ZNF469: variants seen among roughly 807,000 people sequenced by gnomAD.
The protein encoded by ZNF469 is zinc finger protein 469.
A neutral mutation model predicts 1.0 loss-of-function variants in ZNF469; 1 was observed. The observed-to-expected ratio is 1.00, with a 90% confidence interval of 0.35 to 4.73. ZNF469 has a LOEUF of 4.73. Ranked by LOEUF, ZNF469 falls within the 30% of genes most tolerant of loss-of-function variation. ZNF469 has a pLI of 0.16. For synonymous variants in ZNF469, 2,703 were observed against 2,363.4 expected (o/e 1.14, Z -4.17); for missense variants, 6,100 against 5,356.3 (o/e 1.14, Z -4.33).
chr16:88,265,623 C>T, the ZNF469 span, among the ~76,000 whole-genome samples: 1 of 152,208 alleles, frequency 6.6e-6, no homozygotes, highest in African/African-American at 2.4e-5. Flanking sequence ...GGACCGCAAA[C>T]ACCTCACTCA....
chr16:88,427,595 C>A lies in ZNF469; in HGVS notation c.125C>A (p.Thr42Asn). ...CCACTGGAGGACAACACCCCAGCTA[C>A]CAGGACCACCAAGGGTGCCAGGGAG... Reference protein sequence around the residue: ...QPPLEDNTPATRTTKGAREAG... With the variant: ...QPPLEDNTPANRTTKGAREAG... The change falls in exon 3 of 3, where the codon ACC becomes AAC. Residue 42 changes from threonine (T) to asparagine (N), a missense_variant. Physicochemically the swap from Thr to Asn is moderately conservative, Grantham distance 65 (BLOSUM62 0). Coordinates refer to ENST00000565624, the MANE Select transcript of ZNF469 (RefSeq NM_001367624.2). 1 of 1,537,290 alleles carries A rather than the reference C, an allele frequency of 6.5e-7. No individual in the cohort carries two copies. The highest frequency in any genetic ancestry group is 8.7e-7 in the Non-Finnish European group (1 of 1,146,546).
the ZNF469 span, among the ~76,000 whole-genome samples, chr16:88,203,631 C>A: frequency 6.6e-6 from 1 of 152,234 alleles, no homozygotes; most frequent in Non-Finnish European, 1.5e-5. Flanking sequence ...TCCTTCCTGC[C>A]TCTTCCAGCT....
chr16:88,254,831 G>A, the ZNF469 span, among the ~76,000 whole-genome samples: 11 of 151,244 alleles, frequency 7.3e-5, no homozygotes, highest in East Asian at 1.9e-4. Context: ...ACAGCTTATC[G>A]ACTTCCACAA....
At chr16:88,224,699 CTG>C in the ZNF469 span, among the ~76,000 whole-genome samples, 5 of 152,124 alleles carry the variant, frequency 3.3e-5, no homozygotes, top group East Asian at 7.7e-4. Flanking sequence ...CCGTGTGTCT[CTG>C]TGTGTGTGTG....
chr16:88,218,151 G>A, the ZNF469 span, among the ~76,000 whole-genome samples: 1 of 146,374 alleles, frequency 6.8e-6, no homozygotes, highest in African/African-American at 2.5e-5. Context: ...GTGTGAGATG[G>A]TATCTCATTG....
intron 1 of ZNF469, among the ~76,000 whole-genome samples, chr16:88,412,916 G>C (rs1220210636): frequency 6.6e-6 from 1 of 152,098 alleles, no homozygotes; most frequent in African/African-American, 2.4e-5. Flanking sequence ...CCGTGTCCTG[G>C]CAGCCACAGC....
chr16:88,148,098 C>T, the ZNF469 span, among the ~76,000 whole-genome samples: 11 of 152,074 alleles, frequency 7.2e-5, no homozygotes, highest in African/African-American at 1.9e-4. Flanking sequence ...CAGCTTCCTT[C>T]GTCGTTGTGT....
chr16:88,103,817 C>A, the ZNF469 span, among the ~76,000 whole-genome samples: 8 of 143,328 alleles, frequency 5.6e-5, no homozygotes, highest in Non-Finnish European at 1.2e-4. Flanking sequence ...TCCTCCATGG[C>A]AAAAGGGAGC....
chr16:88,439,175 T>C lies in ZNF469; in HGVS notation c.11705T>C (p.Leu3902Pro), dbSNP rs1293812993. The change falls in exon 3 of 3, where the codon CTC (leucine) becomes CCC (proline). Residue 3902 changes from leucine (L) to proline (P), a missense_variant. Coordinates refer to ENST00000565624, the MANE Select transcript of ZNF469 (RefSeq NM_001367624.2). Reference sequence around the variant, plus strand: ...GCCTTCCCCCAGGGGAGACCCCTGCTCAGGCCCCCCAAGAGGGGCACAGCT... The same window carrying C: ...GCCTTCCCCCAGGGGAGACCCCTGCCCAGGCCCCCCAAGAGGGGCACAGCT... ...GKAFPQGRPL[L>P]RPPKRGTAVH... The C allele has an allele frequency of 2.6e-6, 4 of 1,550,330 alleles. No homozygotes were observed. The Admixed American group carries it at 5.9e-5, about 23-fold the overall frequency.
the ZNF469 span, among the ~76,000 whole-genome samples, chr16:88,334,954 CAT>C: frequency 9.5e-4 from 142 of 150,244 alleles, 2 homozygotes; most frequent in African/African-American, 3.1e-3. Context: ...CGGAAGGACA[CAT>C]GTGTGATGGA....
At chr16:88,349,713 TACACA>T in the ZNF469 span, among the ~76,000 whole-genome samples, 2 of 27,978 alleles carry the variant, frequency 7.1e-5, no homozygotes, top group African/African-American at 1.4e-4. Flanking sequence ...ACCACACAAG[TACACA>T]TCCAGCACAA....
chr16:88,380,892 G>A (rs990977940), upstream of ZNF469, among the ~76,000 whole-genome samples: 8 of 111,320 alleles, frequency 7.2e-5, no homozygotes, highest in Non-Finnish European at 1.4e-4. Flanking sequence ...ACCCAGACAT[G>A]CACTCACACA....
chr16:88,277,387 C>G, the ZNF469 span, among the ~76,000 whole-genome samples: 1 of 150,038 alleles, frequency 6.7e-6, no homozygotes, highest in Non-Finnish European at 1.5e-5. Context: ...CTGTGCCACG[C>G]TGACACTCGG....
chr16:88,397,945 G>A (rs1320280442), intron 1 of ZNF469, among the ~76,000 whole-genome samples: 1 of 152,212 alleles, frequency 6.6e-6, no homozygotes, highest in Non-Finnish European at 1.5e-5. Context: ...TGGCTCTCAG[G>A]TCCAGGGTCA....
rs1213308885 is a variant in ZNF469 at position 88,438,353 on chromosome 16, G to A, written c.10883G>A (p.Gly3628Asp). 2 of 1,550,108 alleles carry A rather than the reference G, an allele frequency of 1.3e-6. No individual in the cohort carries two copies. The highest frequency in any genetic ancestry group is 2.7e-5 in the African/African-American group (2 of 73,066). ...TTCTCAGGGAAACGCAGGGCCCCGG[G>A]TGCCCGTGGCAGGTGTGCCCCTGAC... ...LVFSGKRRAP[G>D]ARGRCAPDHF... The change falls in exon 3 of 3, where the codon GGT becomes GAT. Residue 3628 changes from glycine (G) to aspartate (D), a missense_variant. Physicochemically the swap from Gly to Asp is moderately conservative, Grantham distance 94 (BLOSUM62 -1). Coordinates refer to ENST00000565624, the MANE Select transcript of ZNF469 (RefSeq NM_001367624.2).
the ZNF469 span, among the ~76,000 whole-genome samples, chr16:88,249,429 CTTTTTTTTTT>C: frequency 1.5e-3 from 93 of 63,584 alleles, 1 homozygote; most frequent in Middle Eastern, 7.9e-3. Context: ...TTTTCTTTTT[CTTTTTTTTTT>C]TTTTTTTTTT....
chr16:88,232,175 T>G, the ZNF469 span, among the ~76,000 whole-genome samples: 1 of 152,126 alleles, frequency 6.6e-6, no homozygotes, highest in Non-Finnish European at 1.5e-5. Flanking sequence ...AGTTCCCAGG[T>G]TCAAGAAAAC....
At chr16:88,370,528 G>A in the ZNF469 span, among the ~76,000 whole-genome samples, 3 of 152,208 alleles carry the variant, frequency 2.0e-5, no homozygotes, top group East Asian at 1.9e-4. Flanking sequence ...ATATCTTGTC[G>A]TGTCACCCAC....
intron 1 of ZNF469, among the ~76,000 whole-genome samples, chr16:88,390,714 A>G (rs1202296049): frequency 2.0e-5 from 3 of 152,296 alleles, no homozygotes; most frequent in African/African-American, 7.2e-5. Context: ...GAGACAGGCC[A>G]GTGTGTGAGG....
Sources: gnomAD v4.1 joint callset for allele counts (sites outside exome capture counted in the v4.1 genomes callset) on GRCh38, gnomAD v4.1.1 for gene constraint, MANE v1.5 for transcripts, NCBI Gene and HGNC (gene_info 2026-07-23, HGNC 2026-07-21) for gene names.